CACNA2D3: variants seen among roughly 807,000 people sequenced by gnomAD.
CACNA2D3 encodes the protein calcium voltage-gated channel auxiliary subunit alpha2delta 3.
CACNA2D3 carries 60 observed loss-of-function variants against 160.6 expected under a neutral mutation model. The ratio of observed to expected loss-of-function variants is 0.37; its 90% CI spans 0.30 to 0.46. The LOEUF is 0.46. CACNA2D3 is among the 20% of genes least tolerant of loss of function. The probability of loss-of-function intolerance (pLI) is 1.00; values close to 1 mark genes in which losing one functional copy is unlikely to be tolerated. For synonymous variants in CACNA2D3, 558 were observed against 492.9 expected, an observed-to-expected ratio of 1.13 and a Z score of -1.75; for missense variants, 1,205 against 1,365.0, an observed-to-expected ratio of 0.88 and a Z score of 1.85.
chr3:54,259,271 C>T (rs9854514), intron 2 of CACNA2D3, among the ~76,000 whole-genome samples: 58,814 of 152,090 alleles, frequency 0.39, 11,955 homozygotes, highest in Middle Eastern at 0.47. Context: ...GGCATGGTGA[C>T]ACGGACCTAA....
intron 27 of CACNA2D3, among the ~76,000 whole-genome samples, chr3:54,966,192 GC>G (rs1177227312): frequency 6.6e-6 from 1 of 152,106 alleles, no homozygotes; most frequent in Non-Finnish European, 1.5e-5. Flanking sequence ...TGACAGGTGG[GC>G]CCAGGACAGC....
chr3:54,426,143 G>A (rs1699909197), intron 4 of CACNA2D3, among the ~76,000 whole-genome samples: 1 of 152,174 alleles, frequency 6.6e-6, no homozygotes, highest in African/African-American at 2.4e-5. Flanking sequence ...AGAGAAGAGG[G>A]GAGGGGCCCC....
intron 6 of CACNA2D3, among the ~76,000 whole-genome samples, 164 bp downstream of exon 6, chr3:54,563,095 G>A (rs1702353013): frequency 6.6e-6 from 1 of 152,156 alleles, no homozygotes; most frequent in South Asian, 2.1e-4. Flanking sequence ...ATGGCAAGGT[G>A]GCATCCAGAT....
chr3:54,378,426 G>A (rs774344223), intron 3 of CACNA2D3, among the ~76,000 whole-genome samples: 18 of 152,172 alleles, frequency 1.2e-4, no homozygotes, highest in Admixed American at 2.0e-4. Context: ...ACCTCCTGCT[G>A]TGCAGCCCAG....
chr3:54,647,180 C>G (rs1488359058), intron 11 of CACNA2D3, among the ~76,000 whole-genome samples: 2 of 152,112 alleles, frequency 1.3e-5, no homozygotes, highest in Non-Finnish European at 2.9e-5. Context: ...AGCAGAGGAC[C>G]CAGCTTGTTT....
chr3:54,687,727 A>C (rs753574689), intron 11 of CACNA2D3, among the ~76,000 whole-genome samples: 2 of 152,234 alleles, frequency 1.3e-5, no homozygotes, highest in African/African-American at 2.4e-5. Flanking sequence ...TGACATAGCA[A>C]CTTGGCTTTC....
intron 27 of CACNA2D3, among the ~76,000 whole-genome samples, chr3:54,911,351 CTTTTT>C (rs58289082): frequency 1.2e-4 from 7 of 58,584 alleles, no homozygotes; most frequent in East Asian, 1.3e-3. Context: ...TCTTTGTCGT[CTTTTT>C]TTTTTTTTTT....
intron 4 of CACNA2D3, among the ~76,000 whole-genome samples, chr3:54,488,602 C>T (rs781369893): frequency 6.6e-5 from 10 of 152,102 alleles, no homozygotes; most frequent in Non-Finnish European, 1.0e-4. Flanking sequence ...CTCTGAGCTC[C>T]TGCCGTGTCC....
At chr3:54,762,038 G>A (rs1034941356) in intron 12 of CACNA2D3, among the ~76,000 whole-genome samples, 2 of 152,162 alleles carry the variant, frequency 1.3e-5, no homozygotes, top group African/African-American at 2.4e-5. Context: ...TTTGTTTGGC[G>A]AGTAGGAGGT....
intron 2 of CACNA2D3, among the ~76,000 whole-genome samples, chr3:54,210,783 G>A: frequency 6.6e-6 from 1 of 152,122 alleles, no homozygotes; most frequent in East Asian, 1.9e-4. Context: ...GTTTACCCTT[G>A]TGCCTCCCTG....
At chr3:54,969,712 C>T in intron 28 of CACNA2D3, 88 bp from the exon 29 acceptor site, 1 of 1,069,706 alleles carries the variant, frequency 9.3e-7, no homozygotes, top group East Asian at 2.4e-5. Context: ...GATAGCTTGT[C>T]CTTAAGTAGC....
At chr3:54,203,735 C>T (rs1455163388) in intron 2 of CACNA2D3, among the ~76,000 whole-genome samples, 9 of 151,978 alleles carry the variant, frequency 5.9e-5, no homozygotes, top group Non-Finnish European at 1.0e-4. Flanking sequence ...TGGCATCTGT[C>T]GGTGTGCTGT....
intron 2 of CACNA2D3, among the ~76,000 whole-genome samples, chr3:54,268,334 C>A (rs1236810056): frequency 6.6e-6 from 1 of 152,182 alleles, no homozygotes; most frequent in African/African-American, 2.4e-5. Context: ...CCGCTGGCCA[C>A]TGCACTGAGG....
chr3:54,554,463 A>G (rs956543266), intron 5 of CACNA2D3, among the ~76,000 whole-genome samples: 17 of 152,234 alleles, frequency 1.1e-4, no homozygotes, highest in African/African-American at 4.1e-4. Context: ...AGAGACTTGC[A>G]TAAAGTCTAC....
chr3:54,604,794 C>G (rs1703135181), intron 9 of CACNA2D3, among the ~76,000 whole-genome samples: 1 of 152,212 alleles, frequency 6.6e-6, no homozygotes, highest in African/African-American at 2.4e-5. Flanking sequence ...ATTCTCCACG[C>G]AAGAGACAGA....
intron 4 of CACNA2D3, among the ~76,000 whole-genome samples, chr3:54,424,393 T>C (rs1002141457): frequency 5.9e-5 from 9 of 152,184 alleles, no homozygotes; most frequent in South Asian, 2.1e-4. Context: ...GAATGGACTT[T>C]CGTGTTTTTC....
At chr3:54,380,808 A>G (rs1173871294) in intron 3 of CACNA2D3, among the ~76,000 whole-genome samples, 1 of 152,230 alleles carries the variant, frequency 6.6e-6, no homozygotes, top group Non-Finnish European at 1.5e-5. Flanking sequence ...TGGTTGTGAT[A>G]GTAATTACTA....
chr3:54,342,289 A>G (rs934468338), intron 3 of CACNA2D3, among the ~76,000 whole-genome samples: 11 of 152,224 alleles, frequency 7.2e-5, no homozygotes, highest in Admixed American at 1.3e-4. Context: ...AGAGGGATTT[A>G]AAGATGAGTA....
At chr3:54,235,693 A>T (rs1160353555) in intron 2 of CACNA2D3, among the ~76,000 whole-genome samples, 3 of 152,232 alleles carry the variant, frequency 2.0e-5, no homozygotes, top group African/African-American at 7.2e-5. Context: ...GGAACAATTC[A>T]AGCAACAAAA....
Sources: gnomAD v4.1 joint callset for allele counts (sites outside exome capture counted in the v4.1 genomes callset) on GRCh38, gnomAD v4.1.1 for gene constraint, MANE v1.5 for transcripts, NCBI Gene and HGNC (gene_info 2026-07-23, HGNC 2026-07-21) for gene names.